Variants in CNTN3 observed in about 807,000 individuals in gnomAD.
CNTN3 encodes contactin-3.
In CNTN3, 60 loss-of-function variants were observed where a neutral mutation model predicts 119.1. The ratio of observed to expected loss-of-function variants is 0.50; its 90% CI spans 0.41 to 0.62. The LOEUF (loss-of-function observed/expected upper bound fraction) is 0.62, where lower values mean the gene tolerates loss of function less well. CNTN3 is among the 20% of genes least tolerant of loss of function. CNTN3 has a pLI of 0.00. For synonymous variants in CNTN3, 450 were observed against 438.7 expected (o/e 1.03, Z -0.32); for missense variants, 1,101 against 1,242.4 (o/e 0.89, Z 1.71).
chr3:74,455,661 T>G (rs1172564744), intron 4 of CNTN3, among the ~76,000 whole-genome samples: 1 of 152,058 alleles, frequency 6.6e-6, no homozygotes, highest in East Asian at 1.9e-4. Flanking sequence ...ATGATGGTGA[T>G]GTACAGATGT....
chr3:74,472,284 C>T (rs1041964235), intron 4 of CNTN3, among the ~76,000 whole-genome samples: 3 of 152,124 alleles, frequency 2.0e-5, no homozygotes, highest in African/African-American at 7.2e-5. Flanking sequence ...AGGAAACATT[C>T]TAGTTAATTT....
At chr3:74,575,355 G>A (rs535659473) in intron 1 of CNTN3, among the ~76,000 whole-genome samples, 3 of 151,892 alleles carry the variant, frequency 2.0e-5, no homozygotes, top group South Asian at 2.1e-4. Context: ...AGGTTCAAGC[G>A]ATTCTCCTGC....
chr3:74,298,949 G>A (rs577945670), intron 17 of CNTN3, among the ~76,000 whole-genome samples: 2 of 151,402 alleles, frequency 1.3e-5, no homozygotes, highest in Non-Finnish European at 2.9e-5. Flanking sequence ...TTACATCCCT[G>A]TAACTCTAGC....
intron 4 of CNTN3, among the ~76,000 whole-genome samples, chr3:74,442,923 T>C (rs1179005242): frequency 6.6e-6 from 1 of 152,206 alleles, no homozygotes; most frequent in African/African-American, 2.4e-5. Flanking sequence ...CTTAAGCCCA[T>C]ACAGCATGGC....
chr3:74,364,152 C>T (rs1704136454), intron 10 of CNTN3, among the ~76,000 whole-genome samples: 2 of 152,008 alleles, frequency 1.3e-5, no homozygotes, highest in South Asian at 2.1e-4. Flanking sequence ...ACGGGGAACA[C>T]CAAAATCACT....
chr3:74,337,051 C>T (rs1471103830), intron 11 of CNTN3, among the ~76,000 whole-genome samples: 1 of 152,098 alleles, frequency 6.6e-6, no homozygotes, highest in African/African-American at 2.4e-5. Flanking sequence ...GTAGGCAGAA[C>T]ACTATGTCTC....
At chr3:74,373,477 G>A (rs910845361) in intron 5 of CNTN3, among the ~76,000 whole-genome samples, 7 of 152,136 alleles carry the variant, frequency 4.6e-5, no homozygotes, top group Non-Finnish European at 8.8e-5. Flanking sequence ...CCTTAGCAGG[G>A]CATTAGGAAT....
chr3:74,457,991 T>C (rs1475298146), intron 4 of CNTN3, among the ~76,000 whole-genome samples: 1 of 152,012 alleles, frequency 6.6e-6, no homozygotes, highest in African/African-American at 2.4e-5. Flanking sequence ...TTATCATGTA[T>C]ACTAAGACAC....
At chr3:74,397,329 C>T (rs889475698) in intron 5 of CNTN3, among the ~76,000 whole-genome samples, 1 of 152,084 alleles carries the variant, frequency 6.6e-6, no homozygotes. Flanking sequence ...TAATGATGCA[C>T]CCACAAGCTC....
chr3:74,413,930 A>G (rs1327239187), intron 5 of CNTN3, among the ~76,000 whole-genome samples: 1 of 152,218 alleles, frequency 6.6e-6, no homozygotes, highest in Non-Finnish European at 1.5e-5. Context: ...AGGCACAGAC[A>G]CACAATAACA....
intron 5 of CNTN3, among the ~76,000 whole-genome samples, chr3:74,408,892 C>T (rs1204096521): frequency 6.6e-6 from 1 of 152,094 alleles, no homozygotes; most frequent in Admixed American, 6.6e-5. Flanking sequence ...TAACTAGTAT[C>T]CTTCTGGAAC....
intron 4 of CNTN3, among the ~76,000 whole-genome samples, chr3:74,456,477 A>C (rs1445457405): frequency 1.3e-5 from 2 of 152,078 alleles, no homozygotes; most frequent in African/African-American, 2.4e-5. Context: ...ATAGATATGA[A>C]AAATGATGTG....
At chr3:74,264,869 C>A (rs1362191498) in intron 22 of CNTN3, among the ~76,000 whole-genome samples, 3 of 152,102 alleles carry the variant, frequency 2.0e-5, no homozygotes, top group African/African-American at 7.2e-5. Flanking sequence ...TTGTTATTAG[C>A]CTTCATTTTA....
intron 4 of CNTN3, among the ~76,000 whole-genome samples, chr3:74,440,330 T>G (rs1701941038): frequency 6.6e-6 from 1 of 152,130 alleles, no homozygotes; most frequent in African/African-American, 2.4e-5. Flanking sequence ...TCTCACTCTC[T>G]TATACCCCTA....
chr3:74,298,601 G>GAAA (rs397839322), intron 17 of CNTN3, among the ~76,000 whole-genome samples: 4,138 of 141,498 alleles, frequency 0.029, 93 homozygotes, highest in South Asian at 0.12. Context: ...AGTAAAACTG[G>GAAA]AAAAAAAAAA....
chr3:74,473,130 A>G (rs1419466656), intron 4 of CNTN3, among the ~76,000 whole-genome samples: 2 of 151,548 alleles, frequency 1.3e-5, no homozygotes, highest in Admixed American at 6.6e-5. Context: ...GATAGGAGCA[A>G]TGTGGTCAAT....
In CNTN3 at chr3:74,409,801, T is replaced by C. The variant is rs948027791; in HGVS notation, c.454+15044A>G. On this transcript the variant is annotated intron_variant, in intron 5 of 22. Coordinates refer to ENST00000263665, the MANE Select transcript of CNTN3 (RefSeq NM_020872.3). ...CTTGCAACTTAGAGTTATTGGAATA[T>C]CCATTCAATTTGGATTTTTTCACTC... 5.3e-5 allele frequency among the ~76,000 whole-genome samples: 8 copies of C among 152,324 alleles called. No individual in the cohort carries two copies. The South Asian group carries it at 1.4e-3, about 28-fold the overall frequency.
At chr3:74,545,424 A>G (rs2107152653) in intron 1 of CNTN3, among the ~76,000 whole-genome samples, 1 of 152,326 alleles carries the variant, frequency 6.6e-6, no homozygotes, top group East Asian at 1.9e-4. Context: ...TGATATTTCC[A>G]TAACTTTAAA....
At chr3:74,506,755 A>ACAC (rs1703268974) in intron 2 of CNTN3, among the ~76,000 whole-genome samples, 1 of 150,208 alleles carries the variant, frequency 6.7e-6, no homozygotes, top group Admixed American at 6.6e-5. Flanking sequence ...AAAAAAAACA[A>ACAC]CACTTACATT....
Sources: allele counts gnomAD v4.1 joint callset (sites outside exome capture counted in the v4.1 genomes callset), GRCh38; gene constraint gnomAD v4.1.1; transcripts MANE v1.5; gene names NCBI Gene and HGNC (gene_info 2026-07-23, HGNC 2026-07-21).